Variants in NPAS3 observed in about 807,000 individuals in gnomAD.
The protein encoded by NPAS3 is neuronal PAS domain-containing protein 3.
Under a neutral mutation model 73.1 loss-of-function variants are expected in NPAS3, and 14 were observed. The observed-to-expected ratio is 0.19, with a 90% CI of 0.13 to 0.30. The LOEUF is 0.30. Among genes scored for constraint, NPAS3 ranks in the 10% least tolerant of loss-of-function variants. The pLI, the probability that NPAS3 is intolerant of heterozygous loss-of-function variation, is 1.00. For synonymous variants in NPAS3, 620 were observed against 541.5 expected, an observed-to-expected ratio of 1.14 and a Z score of -2.01; for missense variants, 1,096 against 1,250.0, an observed-to-expected ratio of 0.88 and a Z score of 1.86.
Position 33,308,527 on chromosome 14 carries a change from T to TATATATATATATAC in NPAS3, c.386-58658_386-58657insTATATATATATACA. ...TGCATAGTTTATATATATATATATA[T>TATATATATATATAC]ACATACACACACACACACACACACA... On this transcript the variant is annotated intron_variant, in intron 3 of 11. Coordinates refer to ENST00000356141, the Ensembl canonical transcript of NPAS3. Among the ~76,000 whole-genome samples, 29 of 103,716 alleles carry TATATATATATATAC rather than the reference T, an allele frequency of 2.8e-4. 1 individual carries two copies. Among genetic ancestry groups the TATATATATATATAC allele is most frequent in the Middle Eastern group, 4.4e-3 (1 of 226 alleles). 68.0% of individuals were successfully genotyped at this position (103,716 alleles called of 152,430 possible). A position where few individuals can be genotyped will look rare whatever the true frequency, so the allele number is the denominator to read the frequency against.
At chr14:33,731,795 A>G (rs751266695) in intron 6 of NPAS3, among the ~76,000 whole-genome samples, 53 of 152,218 alleles carry the variant, frequency 3.5e-4, no homozygotes, top group Non-Finnish European at 6.5e-4. Flanking sequence ...ACATTTCAAG[A>G]GCTGAGATAA....
intron 2 of NPAS3, among the ~76,000 whole-genome samples, chr14:33,143,386 G>T (rs534321561): frequency 6.6e-6 from 1 of 152,106 alleles, no homozygotes; most frequent in East Asian, 1.9e-4. Flanking sequence ...AGCTACTTGG[G>T]AGGCTGAGGC....
intron 4 of NPAS3, among the ~76,000 whole-genome samples, chr14:33,407,514 A>G (rs938693360): frequency 5.3e-5 from 8 of 152,088 alleles, no homozygotes; most frequent in Admixed American, 4.6e-4. Context: ...GATTTACACA[A>G]TTTACCATTT....
At chr14:33,139,649 C>T (rs977956128) in intron 2 of NPAS3, among the ~76,000 whole-genome samples, 1 of 152,174 alleles carries the variant, frequency 6.6e-6, no homozygotes, top group Non-Finnish European at 1.5e-5. Context: ...AAGCTCCATA[C>T]AATACTGCAC....
At chr14:33,390,966 C>G (rs1360597778) in intron 4 of NPAS3, among the ~76,000 whole-genome samples, 3 of 151,982 alleles carry the variant, frequency 2.0e-5, no homozygotes, top group Non-Finnish European at 4.4e-5. Flanking sequence ...CCTGTACTTT[C>G]TTTTACAAAT....
At chr14:33,265,041 C>T (rs187422107) in intron 3 of NPAS3, among the ~76,000 whole-genome samples, 1 of 152,236 alleles carries the variant, frequency 6.6e-6, no homozygotes, top group South Asian at 2.1e-4. Context: ...TGTTTAAGTT[C>T]TAGCTACCAT....
intron 4 of NPAS3, among the ~76,000 whole-genome samples, chr14:33,480,540 GC>G (rs1299335256): frequency 6.1e-4 from 10 of 16,348 alleles, no homozygotes; most frequent in African/African-American, 5.2e-3. Flanking sequence ...TCCCCGCCCC[GC>G]CCCCACCCTT....
At chr14:33,534,584 T>C (rs2054180265) in intron 4 of NPAS3, among the ~76,000 whole-genome samples, 1 of 152,200 alleles carries the variant, frequency 6.6e-6, no homozygotes, top group Non-Finnish European at 1.5e-5. Context: ...CAATAGTATG[T>C]AGTGAGAAAG....
intron 5 of NPAS3, among the ~76,000 whole-genome samples, chr14:33,566,105 C>G (rs2055917903): frequency 6.6e-6 from 1 of 152,072 alleles, no homozygotes; most frequent in Admixed American, 6.6e-5. Context: ...AATTCAGAAA[C>G]AGTACAAGGC....
chr14:33,690,533 C>T (rs547136548), intron 6 of NPAS3, among the ~76,000 whole-genome samples: 127 of 152,188 alleles, frequency 8.3e-4, no homozygotes, highest in African/African-American at 2.9e-3. Flanking sequence ...CATCCAGTCG[C>T]TCCTGACAAG....
At chr14:33,466,465 C>A (rs768753368) in intron 4 of NPAS3, among the ~76,000 whole-genome samples, 12 of 152,208 alleles carry the variant, frequency 7.9e-5, no homozygotes, top group Admixed American at 1.3e-4. Flanking sequence ...CACCGTTGTT[C>A]ATCTAGCAAT....
chr14:33,500,567 T>C (rs1321017882), intron 4 of NPAS3, among the ~76,000 whole-genome samples: 3 of 151,904 alleles, frequency 2.0e-5, no homozygotes, highest in Non-Finnish European at 4.4e-5. Flanking sequence ...GTTCTTTCCA[T>C]CAAGAAAAGA....
intron 2 of NPAS3, among the ~76,000 whole-genome samples, chr14:33,057,196 C>T (rs551933953): frequency 1.3e-5 from 2 of 152,322 alleles, no homozygotes; most frequent in Non-Finnish European, 2.9e-5. Flanking sequence ...TGTATCTTTA[C>T]TATATACATG....
intron 4 of NPAS3, among the ~76,000 whole-genome samples, chr14:33,491,800 A>C (rs555299806): frequency 3.0e-4 from 46 of 152,274 alleles, no homozygotes; most frequent in Admixed American, 1.0e-3. Context: ...GTCAGAAGTA[A>C]TGGCAGTATT....
At chr14:33,055,945 A>G in exon 2 of NPAS3, 1 of 810,418 alleles carries the variant, frequency 1.2e-6, no homozygotes, top group Non-Finnish European at 2.1e-6. Flanking sequence ...ATCAGAATGT[A>G]GGAAAATCTA....
At chr14:33,452,038 T>C (rs1232431616) in intron 4 of NPAS3, among the ~76,000 whole-genome samples, 3 of 152,202 alleles carry the variant, frequency 2.0e-5, no homozygotes, top group Middle Eastern at 3.2e-3. Flanking sequence ...TGGTTGAGAA[T>C]GTGTTACAAA....
At chr14:33,671,938 A>C (rs2059620547) in intron 5 of NPAS3, among the ~76,000 whole-genome samples, 1 of 152,238 alleles carries the variant, frequency 6.6e-6, no homozygotes, top group African/African-American at 2.4e-5. Context: ...CTACTTTTCC[A>C]TTAGATCATA....
At chr14:33,174,861 G>A (rs1223190791) in intron 2 of NPAS3, among the ~76,000 whole-genome samples, 1 of 152,194 alleles carries the variant, frequency 6.6e-6, no homozygotes, top group Admixed American at 6.5e-5. Context: ...GGGATTTGAA[G>A]TGGTGTGTCA....
chr14:33,544,825 A>ATATATATTATATATATATATAAT lies in NPAS3; in HGVS notation c.469-15293_469-15292insATATTATATATATATATAATTAT. On this transcript the variant is annotated intron_variant, in intron 4 of 11. Transcript: ENST00000356141. ...ATATATATATATGTATATATAATAT[A>ATATATATTATATATATATATAAT]TATGTGTATATATATATTATATATA... Among the ~76,000 whole-genome samples the ATATATATTATATATATATATAAT allele has an allele frequency of 3.1e-4, 35 of 112,138 alleles. 1 individual carries two copies. The highest frequency in any genetic ancestry group is 1.1e-3 in the African/African-American group (26 of 24,530). The allele number at this position is 112,138 out of a possible 152,430, so 73.6% of individuals were successfully genotyped here.
Sources: gnomAD v4.1 joint callset for allele counts (sites outside exome capture counted in the v4.1 genomes callset) on GRCh38, gnomAD v4.1.1 for gene constraint, MANE v1.5 for transcripts, NCBI Gene and HGNC (gene_info 2026-07-23, HGNC 2026-07-21) for gene names.